The following MIPEP variants were observed in gnomAD, a reference collection of about 807,000 sequenced individuals.
MIPEP encodes mitochondrial intermediate peptidase.
Under a neutral mutation model 90.3 loss-of-function variants are expected in MIPEP, and 79 were observed. The observed-to-expected ratio is 0.87, with a 90% CI of 0.73 to 1.05. MIPEP has a LOEUF of 1.05. Among genes scored for constraint, MIPEP ranks in the 50% least tolerant of loss-of-function variants. MIPEP has a pLI of 0.00. For synonymous variants in MIPEP, 334 were observed against 315.8 expected, an observed-to-expected ratio of 1.06 and a Z score of -0.61; for missense variants, 940 against 905.6, an observed-to-expected ratio of 1.04 and a Z score of -0.49.
chr13:23,753,221 C>T (rs1223947115), intron 18 of MIPEP, among the ~76,000 whole-genome samples: 1 of 136,932 alleles, frequency 7.3e-6, no homozygotes, highest in Non-Finnish European at 1.6e-5. Flanking sequence ...GAGACTCCAT[C>T]TCAAAAAAAA....
chr13:23,848,715 C>T (rs1869666934), intron 10 of MIPEP, among the ~76,000 whole-genome samples: 1 of 152,006 alleles, frequency 6.6e-6, no homozygotes, highest in African/African-American at 2.4e-5. Context: ...CAGCAAAGGC[C>T]CAAGGGGATT....
intron 10 of MIPEP, 127 bp from the exon 11 acceptor site, chr13:23,841,615 T>C: frequency 9.7e-7 from 1 of 1,030,696 alleles, no homozygotes; most frequent in Non-Finnish European, 1.4e-6. Context: ...CATAAAAGTG[T>C]ATTTATATCA....
rs1301116760 is a variant in MIPEP, at chr13:23,837,761, A to G, written c.1339-5T>C. 3 of 1,596,384 alleles carry G rather than the reference A, an allele frequency of 1.9e-6. No individual in the cohort carries two copies. The East Asian group carries it at 6.7e-5, about 36-fold the overall frequency. Reference sequence around the variant, plus strand: ...ACGGATAGTGAAATGGCAATCCTTTAAGAATCAGAAAACATAAAAGGAAAA... The same window carrying G: ...ACGGATAGTGAAATGGCAATCCTTTGAGAATCAGAAAACATAAAAGGAAAA... On this transcript the variant is annotated splice_region_variant and splice_polypyrimidine_tract_variant and intron_variant, in intron 12 of 18. Transcript: ENST00000382172.
At chr13:23,864,005 C>A in intron 8 of MIPEP, 136 bp downstream of exon 8, 1 of 526,238 alleles carries the variant, frequency 1.9e-6, no homozygotes, top group Non-Finnish European at 3.4e-6. Context: ...AAGTATGTCT[C>A]ATAGTGAGAC....
In MIPEP at chr13:23,889,219, T is replaced by C; in HGVS notation, c.102A>G (p.Arg34=). 7.0e-7 allele frequency: 1 copy of C among 1,424,490 alleles called. No homozygotes were observed. The highest frequency in any genetic ancestry group is 3.2e-5 in the Admixed American group (1 of 31,342). The allele number at this position is 1,424,490 out of a possible 1,614,324, so 88.2% of individuals were successfully genotyped here. A position where few individuals can be genotyped will look rare whatever the true frequency, so the allele number is the denominator to read the frequency against. ...CGGGAGACCAGCTGGTGCTGACCCT[T>C]CGGGCCCGGATCCCGGCTTCGAGGC... ...RGSLEAGIRA[R]RVSTSWSPVG... is the part of the protein sequence containing the mutation. The change falls in exon 1 of 19, where the codon CGA becomes CGG. Residue 34 remains arginine (R), a synonymous_variant. Coordinates refer to ENST00000382172, the MANE Select transcript of MIPEP (RefSeq NM_005932.4).
chr13:23,730,301 A>C lies in MIPEP; in HGVS notation c.*47T>G. Reference sequence around the variant, plus strand: ...CTCACAGCTGTAGCATTTATAACAAAGTCATTATCTACATGACCTTGATTT... The same window carrying C: ...CTCACAGCTGTAGCATTTATAACAACGTCATTATCTACATGACCTTGATTT... On this transcript the variant is annotated 3_prime_UTR_variant, in exon 19 of 19. Transcript: ENST00000382172. 8.1e-7 allele frequency: 1 copy of C among 1,236,438 alleles called. No individual in the cohort carries two copies. 76.6% of individuals were successfully genotyped at this position (1,236,438 alleles called of 1,614,324 possible).
In MIPEP at chr13:23,866,080, G is replaced by A. The variant is rs115964671; in HGVS notation, c.944-1891C>T. On this transcript the variant is annotated intron_variant, in intron 7 of 18. Coordinates refer to ENST00000382172, the MANE Select transcript of MIPEP (RefSeq NM_005932.4). ...TCATTCACTAGCCACATGAATGCCC[G>A]CCTTAGCCTCAGTCAGCCTCTCTGT... is the stretch of plus-strand genomic sequence containing the variant. Among the ~76,000 whole-genome samples the A allele has an allele frequency of 3.8e-3, 583 of 152,044 alleles. 4 individuals carry two copies. The highest frequency in any genetic ancestry group is 0.013 in the African/African-American group (552 of 41,470).
chr13:23,762,872 T>C (rs1952562804), intron 16 of MIPEP, among the ~76,000 whole-genome samples: 1 of 152,160 alleles, frequency 6.6e-6, no homozygotes, highest in African/African-American at 2.4e-5. Context: ...GTGCAACAGA[T>C]GCCATGCCCT....
At chr13:23,746,765 G>A (rs1235860535) in intron 18 of MIPEP, among the ~76,000 whole-genome samples, 3 of 152,012 alleles carry the variant, frequency 2.0e-5, no homozygotes, top group African/African-American at 7.3e-5. Context: ...CTTTTAGAAG[G>A]TAGTATACAC....
In MIPEP at chr13:23,864,172, G is replaced by T; in HGVS notation, c.961C>A (p.Leu321Ile). 6 of 1,562,878 alleles carry T rather than the reference G, an allele frequency of 3.8e-6. No individual in the cohort carries two copies. The highest frequency in any genetic ancestry group is 5.2e-6 in the Non-Finnish European group (6 of 1,152,668). The change falls in exon 8 of 19, where the codon CTT (leucine) becomes ATT (isoleucine). Residue 321 changes from leucine to isoleucine, a missense_variant. Physicochemically the swap from Leu to Ile is conservative, Grantham distance 5. Transcript: ENST00000382172. ...GAAAGTTTGTCAGATAGTTTTTCAA[G>T]GAACTGCATGACAGTCTCTAAAACG... Reference protein sequence around the residue: ...AKNPETVMQFLEKLSDKLSER... With the variant: ...AKNPETVMQFIEKLSDKLSER...
intron 14 of MIPEP, among the ~76,000 whole-genome samples, chr13:23,827,849 T>C (rs1364527297): frequency 6.6e-6 from 1 of 152,154 alleles, no homozygotes; most frequent in Non-Finnish European, 1.5e-5. Flanking sequence ...GAGAATCACT[T>C]GAACCCAGGA....
At chr13:23,731,730 C>A (rs1054566487) in intron 18 of MIPEP, among the ~76,000 whole-genome samples, 4 of 152,074 alleles carry the variant, frequency 2.6e-5, no homozygotes, top group Non-Finnish European at 4.4e-5. Context: ...ACATATCTCA[C>A]GTAAGACTGG....
chr13:23,792,708 C>G (rs1028657956), intron 16 of MIPEP, among the ~76,000 whole-genome samples: 2 of 152,242 alleles, frequency 1.3e-5, no homozygotes, highest in East Asian at 1.9e-4. Flanking sequence ...CAGATCAAAA[C>G]CCTTGCAGTA....
chr13:23,735,616 T>C (rs1435012023), intron 18 of MIPEP, among the ~76,000 whole-genome samples: 1 of 152,146 alleles, frequency 6.6e-6, no homozygotes, highest in Non-Finnish European at 1.5e-5. Flanking sequence ...CTTAAACAAT[T>C]CCTGTATCTC....
chr13:23,736,268 T>C (rs772918099), intron 18 of MIPEP, among the ~76,000 whole-genome samples: 7 of 152,090 alleles, frequency 4.6e-5, no homozygotes, highest in Non-Finnish European at 1.0e-4. Context: ...AATAGCAATA[T>C]AAGAAAGACA....
In MIPEP at chr13:23,772,939, T is replaced by G. The variant is rs545952425; in HGVS notation, c.1849-12722A>C. 4.6e-5 allele frequency among the ~76,000 whole-genome samples: 7 copies of G among 152,240 alleles called. No homozygotes were observed. In the South Asian group the frequency reaches 1.5e-3, roughly 32 times the overall value. ...TCTTTTCAAGTGTACACTTAAATGG[T>G]TTTCAGTATATTCACAAAATTGTGC... On this transcript the variant is annotated intron_variant, in intron 16 of 18. Transcript: ENST00000382172.
chr13:23,801,862 A>G (rs1953046291), intron 16 of MIPEP, among the ~76,000 whole-genome samples: 1 of 150,960 alleles, frequency 6.6e-6, no homozygotes, highest in Non-Finnish European at 1.5e-5. Flanking sequence ...CCTCCCCCTC[A>G]CCTTTTTTTT....
At chr13:23,849,103 C>T (rs986648984) in intron 10 of MIPEP, among the ~76,000 whole-genome samples, 2 of 152,242 alleles carry the variant, frequency 1.3e-5, no homozygotes, top group African/African-American at 4.8e-5. Flanking sequence ...ACGCCAGGCT[C>T]ATCATGTGGC....
chr13:23,840,147 A>G (rs1001675888), intron 11 of MIPEP, among the ~76,000 whole-genome samples: 10 of 152,232 alleles, frequency 6.6e-5, no homozygotes, highest in African/African-American at 2.4e-4. Flanking sequence ...TGCAGCTCCC[A>G]GCTTGAGTTA....
Sources: gnomAD v4.1 joint callset for allele counts (sites outside exome capture counted in the v4.1 genomes callset) on GRCh38, gnomAD v4.1.1 for gene constraint, MANE v1.5 for transcripts, NCBI Gene and HGNC (gene_info 2026-07-23, HGNC 2026-07-21) for gene names.